KCNMA1: variants seen among roughly 807,000 people sequenced by gnomAD.
The protein encoded by KCNMA1 is potassium calcium-activated channel subfamily M alpha 1.
In KCNMA1, 29 loss-of-function variants were observed where a neutral mutation model predicts 140.0. The observed-to-expected ratio is 0.21, with a 90% CI of 0.15 to 0.28. The LOEUF is 0.28. Ranked by LOEUF, KCNMA1 falls within the 10% of genes least tolerant of loss-of-function variation. KCNMA1 has a pLI of 1.00. For synonymous variants in KCNMA1, 612 were observed against 611.9 expected, an observed-to-expected ratio of 1.00 and a Z score of 0.00; for missense variants, 880 against 1,602.2, an observed-to-expected ratio of 0.55 and a Z score of 7.70.
intron 2 of KCNMA1, among the ~76,000 whole-genome samples, chr10:77,299,512 C>T (rs1307221821): frequency 5.3e-5 from 8 of 152,126 alleles, no homozygotes; most frequent in Non-Finnish European, 5.9e-5. Flanking sequence ...CATTTTGGGT[C>T]CAAATGGACA....
chr10:76,878,986 C>A (rs1221119020), intron 29 of KCNMA1, among the ~76,000 whole-genome samples: 1 of 152,150 alleles, frequency 6.6e-6, no homozygotes, highest in Non-Finnish European at 1.5e-5. Flanking sequence ...GCTATAGAGA[C>A]AATGGCCTCT....
In KCNMA1 at chr10:76,915,065, C is replaced by G; in HGVS notation, c.2903-16G>C. 1 of 1,577,422 alleles carries G rather than the reference C, an allele frequency of 6.3e-7. No individual in the cohort carries two copies. The highest frequency in any genetic ancestry group is 1.1e-5 in the South Asian group (1 of 90,338). On this transcript the variant is annotated splice_polypyrimidine_tract_variant and intron_variant, in intron 23 of 27. Transcript: ENST00000286628. ...GGTGTGAACCCTAGTGGGAAGGAAACAGAGGAGGAAGAAAAATCAGAGAAG... is the reference window on the plus strand; with the variant it reads ...GGTGTGAACCCTAGTGGGAAGGAAAGAGAGGAGGAAGAAAAATCAGAGAAG...
rs903717178 is a variant in KCNMA1 at position 77,086,515 on chromosome 10, G to T, written c.1413C>A (p.Leu471=). The T allele has an allele frequency of 3.1e-6, 5 of 1,613,402 alleles. No individual in the cohort carries two copies. Among genetic ancestry groups the T allele is most frequent in the Admixed American group, 3.3e-5 (2 of 60,002 alleles). ...TGACTCTTGCAAGATCATGTGGATTGAGGACGGAACCCTGATAAAATTCCA... is the reference window on the plus strand; with the variant it reads ...TGACTCTTGCAAGATCATGTGGATTTAGGACGGAACCCTGATAAAATTCCA... ...TQVEFYQGSV[L]NPHDLARVKI... is the part of the protein sequence containing the mutation. Residue 471 remains leucine, a synonymous_variant, in exon 11 of 28, where the codon CTC becomes CTA. Transcript: ENST00000286628.
At chr10:77,613,267 T>C (rs2087718615) in intron 1 of KCNMA1, among the ~76,000 whole-genome samples, 1 of 152,074 alleles carries the variant, frequency 6.6e-6, no homozygotes, top group Non-Finnish European at 1.5e-5. Context: ...CCCACAACCT[T>C]CCCCAGTTGC....
chr10:77,460,880 C>A (rs954031008), intron 1 of KCNMA1, among the ~76,000 whole-genome samples: 1 of 152,030 alleles, frequency 6.6e-6, no homozygotes, highest in African/African-American at 2.4e-5. Flanking sequence ...CCGAGGTGGG[C>A]GGATCACCTG....
chr10:77,185,210 G>C (rs893492971), intron 3 of KCNMA1, among the ~76,000 whole-genome samples: 1 of 151,966 alleles, frequency 6.6e-6, no homozygotes, highest in African/African-American at 2.4e-5. Flanking sequence ...GGATCATGCA[G>C]ATACCCTGGA....
intron 14 of KCNMA1, among the ~76,000 whole-genome samples, chr10:77,066,430 A>C (rs944964532): frequency 1.3e-5 from 2 of 152,206 alleles, no homozygotes; most frequent in African/African-American, 2.4e-5. Flanking sequence ...CATGGGAAGG[A>C]TGGCATTGCC....
At chr10:77,615,930 A>T (rs1456188007) in intron 1 of KCNMA1, among the ~76,000 whole-genome samples, 1 of 152,158 alleles carries the variant, frequency 6.6e-6, no homozygotes, top group Non-Finnish European at 1.5e-5. Flanking sequence ...TTTATTGAGG[A>T]CTTACAAGAT....
At chr10:76,955,705 A>C (rs541229008) in intron 20 of KCNMA1, among the ~76,000 whole-genome samples, 4 of 152,242 alleles carry the variant, frequency 2.6e-5, no homozygotes, top group Non-Finnish European at 5.9e-5. Flanking sequence ...CTATTTACAG[A>C]TCAGGGTGAG....
At chr10:77,116,770 C>T (rs559917897) in intron 6 of KCNMA1, among the ~76,000 whole-genome samples, 2 of 152,248 alleles carry the variant, frequency 1.3e-5, no homozygotes, top group South Asian at 4.1e-4. Context: ...TGGACTACTG[C>T]CTCCTAATTG....
chr10:77,211,367 T>C (rs913111923), intron 3 of KCNMA1, among the ~76,000 whole-genome samples: 2 of 152,138 alleles, frequency 1.3e-5, no homozygotes, highest in African/African-American at 4.8e-5. Flanking sequence ...GGACTCTCTA[T>C]TAAATAAATG....
intron 2 of KCNMA1, among the ~76,000 whole-genome samples, chr10:77,347,900 A>G (rs1030416232): frequency 2.8e-4 from 42 of 152,222 alleles, no homozygotes; most frequent in African/African-American, 9.9e-4. Context: ...AACCCTGTGA[A>G]GTAGATGCTT....
intron 1 of KCNMA1, among the ~76,000 whole-genome samples, chr10:77,567,648 C>T (rs972099615): frequency 6.6e-6 from 1 of 152,208 alleles, no homozygotes; most frequent in Non-Finnish European, 1.5e-5. Context: ...CAAAACCATG[C>T]AGTCAAATTA....
At chr10:76,901,910 G>T (rs112937035) in intron 25 of KCNMA1, 1 of 152,196 alleles carries the variant, frequency 6.6e-6, no homozygotes, top group Non-Finnish European at 1.5e-5. Context: ...CCCAATATTC[G>T]GATGCAGAAA....
At chr10:77,027,715 T>C (rs2093588227) in intron 16 of KCNMA1, 108 bp downstream of exon 16, 1 of 903,890 alleles carries the variant, frequency 1.1e-6, no homozygotes, top group Non-Finnish European at 1.9e-6. Flanking sequence ...TACATCTGGT[T>C]CCATGCAGAT....
downstream of KCNMA1, among the ~76,000 whole-genome samples, chr10:76,881,177 G>A (rs374087440): frequency 1.0e-3 from 158 of 152,316 alleles, no homozygotes; most frequent in African/African-American, 3.6e-3. Flanking sequence ...CCACCATGAA[G>A]AAGCAAGGAG....
At chr10:76,975,445 C>A (rs1359052540) in intron 19 of KCNMA1, 22 of 152,152 alleles carry the variant, frequency 1.4e-4, no homozygotes, top group Admixed American at 1.4e-3. Flanking sequence ...GGGAAAACAA[C>A]CACAAAAATA....
intron 1 of KCNMA1, among the ~76,000 whole-genome samples, chr10:77,429,183 G>A (rs975979732): frequency 2.0e-5 from 3 of 152,152 alleles, no homozygotes; most frequent in African/African-American, 7.2e-5. Context: ...GGGTGAACTG[G>A]TATGCCAAGT....
At chr10:77,254,968 AGTGT>A (rs2060428131) in intron 2 of KCNMA1, among the ~76,000 whole-genome samples, 1 of 152,230 alleles carries the variant, frequency 6.6e-6, no homozygotes. Flanking sequence ...TGGGGGCAGC[AGTGT>A]GATACACAGA....
Sources: allele counts gnomAD v4.1 joint callset (sites outside exome capture counted in the v4.1 genomes callset), GRCh38; gene constraint gnomAD v4.1.1; transcripts MANE v1.5; gene names NCBI Gene and HGNC (gene_info 2026-07-23, HGNC 2026-07-21).